Variants in DNAH6 observed in about 807,000 individuals in gnomAD.
The protein encoded by DNAH6 is axonemal beta dynein heavy chain 6.
Under a neutral mutation model 491.4 loss-of-function variants are expected in DNAH6, and 340 were observed. The ratio of observed to expected loss-of-function variants is 0.69; its 90% CI spans 0.63 to 0.76. The LOEUF is 0.76. Among genes scored for constraint, DNAH6 ranks in the 30% least tolerant of loss-of-function variants. The pLI is 0.00. For synonymous variants in DNAH6, 1,603 were observed against 1,686.1 expected, an observed-to-expected ratio of 0.95 and a Z score of 1.21; for missense variants, 4,443 against 4,972.2, an observed-to-expected ratio of 0.89 and a Z score of 3.20.
chr2:84,818,074 C>G (rs1306467084), intron 76 of DNAH6, among the ~76,000 whole-genome samples: 1 of 152,020 alleles, frequency 6.6e-6, no homozygotes, highest in Non-Finnish European at 1.5e-5. Flanking sequence ...GGAGAGGGGA[C>G]CAACAAACTA....
intron 41 of DNAH6, 71 bp from the exon 42 acceptor site, chr2:84,681,286 C>A: frequency 1.6e-6 from 2 of 1,282,808 alleles, no homozygotes; most frequent in Non-Finnish European, 2.1e-6. Flanking sequence ...CGTTATCATC[C>A]GGAGTATTTA....
intron 60 of DNAH6, among the ~76,000 whole-genome samples, chr2:84,725,021 T>C (rs1698495441): frequency 6.6e-6 from 1 of 152,210 alleles, no homozygotes; most frequent in African/African-American, 2.4e-5. Flanking sequence ...TTACCCCACG[T>C]TGTCTTGGGT....
chr2:84,762,974 T>A (rs1674733151), intron 64 of DNAH6, 29 bp downstream of exon 64: 1 of 1,500,926 alleles, frequency 6.7e-7, no homozygotes, highest in African/African-American at 1.4e-5. Flanking sequence ...GTTTTAATAA[T>A]GCAAATGCAT....
intron 34 of DNAH6, among the ~76,000 whole-genome samples, chr2:84,654,409 A>T (rs1269359400): frequency 1.3e-5 from 2 of 152,168 alleles, no homozygotes. Flanking sequence ...AAAGAAAAAA[A>T]TAACTAGCCC....
At chr2:84,697,784 T>C (rs938977268) in intron 47 of DNAH6, 57 bp downstream of exon 47, 16 of 1,539,724 alleles carry the variant, frequency 1.0e-5, no homozygotes, top group Middle Eastern at 1.7e-4. Flanking sequence ...CTTCACCTTT[T>C]ATTTAACCAT....
At position 84,688,544 on chromosome 2, in the gene DNAH6, A is replaced by C. The variant is rs1694519141; in HGVS notation, c.7243A>C (p.Lys2415Gln). ...TGATGATTATAATCTCACAAATCCC[A>C]AAGAAGTAAAGTTGGTGTTCTTCCA... ...YLDDYNLTNP[K>Q]EVKLVFFQDA... is the part of the protein sequence containing the mutation. Residue 2415 changes from lysine to glutamine, a missense_variant, in exon 45 of 77, where the codon AAA becomes CAA. Lys to Gln is a moderately conservative substitution (Grantham distance 53). Transcript: ENST00000389394. 1 of 1,545,184 alleles carries C rather than the reference A, an allele frequency of 6.5e-7. No homozygotes were observed. The highest frequency in any genetic ancestry group is 1.4e-5 in the African/African-American group (1 of 72,658).
intron 37 of DNAH6, among the ~76,000 whole-genome samples, chr2:84,662,365 G>A (rs772168789): frequency 8.5e-5 from 13 of 152,180 alleles, no homozygotes; most frequent in South Asian, 2.1e-4. Flanking sequence ...AAGGGAAGCC[G>A]TGACAGGCAG....
At chr2:84,528,678 C>T (rs1250837384) in intron 3 of DNAH6, among the ~76,000 whole-genome samples, 2 of 152,080 alleles carry the variant, frequency 1.3e-5, no homozygotes, top group Non-Finnish European at 2.9e-5. Flanking sequence ...GAAGCTGAAA[C>T]TGGGACTGCT....
At chr2:84,486,013 A>G in the DNAH6 span, among the ~76,000 whole-genome samples, 1 of 152,176 alleles carries the variant, frequency 6.6e-6, no homozygotes, top group East Asian at 1.9e-4. Context: ...CATTCCTCAT[A>G]GGATAAATAC....
intron 63 of DNAH6, among the ~76,000 whole-genome samples, chr2:84,745,762 G>C (rs1377340407): frequency 6.6e-6 from 1 of 152,110 alleles, no homozygotes; most frequent in African/African-American, 2.4e-5. Flanking sequence ...CAGGGCCATG[G>C]TTATCCTTTC....
chr2:84,818,675 A>G (rs1390092152), intron 76 of DNAH6, among the ~76,000 whole-genome samples: 1 of 152,194 alleles, frequency 6.6e-6, no homozygotes, highest in Non-Finnish European at 1.5e-5. Flanking sequence ...CAACAAATAT[A>G]TTACAAGGGG....
chr2:84,502,605 G>T, the DNAH6 span, among the ~76,000 whole-genome samples: 1 of 152,262 alleles, frequency 6.6e-6, no homozygotes, highest in African/African-American at 2.4e-5. Context: ...GTCCAATGTC[G>T]AAATAGGGTG....
At chr2:84,594,962 C>G (rs530340308) in intron 17 of DNAH6, among the ~76,000 whole-genome samples, 2 of 152,124 alleles carry the variant, frequency 1.3e-5, no homozygotes. Flanking sequence ...TATCAATTAT[C>G]TCAGAAGTAA....
Position 84,722,823 on chromosome 2 carries a change from T to C in DNAH6, c.9972+19T>C. ...TAAACAGGTAAGTGTGTTCATGTTG[T>C]TAATGACAGTCATCTCTTTGGCCTC... On this transcript the variant is annotated intron_variant, in intron 60 of 76. Coordinates refer to ENST00000389394, the MANE Select transcript of DNAH6 (RefSeq NM_001370.2). 6.5e-6 allele frequency: 9 copies of C among 1,385,300 alleles called. No homozygotes were observed. The highest frequency in any genetic ancestry group is 8.6e-6 in the Non-Finnish European group (9 of 1,044,986). The allele number at this position is 1,385,300 out of a possible 1,614,324, so 85.8% of individuals were successfully genotyped here.
At chr2:84,801,840 C>T (rs545272605) in intron 70 of DNAH6, among the ~76,000 whole-genome samples, 6 of 148,442 alleles carry the variant, frequency 4.0e-5, no homozygotes, top group African/African-American at 7.5e-5. Flanking sequence ...GCTGAGATCA[C>T]GCCATTGCAC....
At chr2:84,693,919 T>G (rs996575911) in intron 45 of DNAH6, among the ~76,000 whole-genome samples, 2 of 152,292 alleles carry the variant, frequency 1.3e-5, no homozygotes, top group East Asian at 3.9e-4. Flanking sequence ...GGCTTAGCAA[T>G]TGACAATATA....
chr2:84,608,277 A>ACCC (rs2104314808), intron 21 of DNAH6, among the ~76,000 whole-genome samples: 1 of 152,018 alleles, frequency 6.6e-6, no homozygotes, highest in East Asian at 1.9e-4. Context: ...CTTCTTCCAA[A>ACCC]CTCCAAATAT....
At chr2:84,602,268 A>AT (rs1422852154) in intron 18 of DNAH6, among the ~76,000 whole-genome samples, 1 of 152,046 alleles carries the variant, frequency 6.6e-6, no homozygotes, top group Admixed American at 6.6e-5. Context: ...TAGAGTATGT[A>AT]TGCTAACGAT....
At chr2:84,642,915 A>G (rs1436225200) in intron 33 of DNAH6, among the ~76,000 whole-genome samples, 1 of 152,182 alleles carries the variant, frequency 6.6e-6, no homozygotes, top group African/African-American at 2.4e-5. Context: ...AGATCAATTA[A>G]GAATAAGAAA....
Sources: allele counts gnomAD v4.1 joint callset (sites outside exome capture counted in the v4.1 genomes callset), GRCh38; gene constraint gnomAD v4.1.1; transcripts MANE v1.5; gene names NCBI Gene and HGNC (gene_info 2026-07-23, HGNC 2026-07-21).